ARFRP1: variants seen among roughly 807,000 people sequenced by gnomAD.
The protein encoded by ARFRP1 is ARF related protein 1.
ARFRP1 carries 19 observed loss-of-function variants against 30.3 expected under a neutral mutation model. That is an observed-to-expected ratio of 0.63 (90% CI 0.44 to 0.92). ARFRP1 has a LOEUF of 0.92. ARFRP1 is among the 40% of genes least tolerant of loss of function. The pLI is 0.00. For synonymous variants in ARFRP1, 133 were observed against 114.2 expected, an observed-to-expected ratio of 1.16 and a Z score of -1.05; for missense variants, 245 against 267.5, an observed-to-expected ratio of 0.92 and a Z score of 0.59.
chr20:63,706,032 C>T (rs771033975), intron 4 of ARFRP1: 80 of 366,748 alleles, frequency 2.2e-4, no homozygotes, highest in Non-Finnish European at 3.7e-4. Context: ...GAGGATGCCG[C>T]ACTCTGTCAA....
Position 63,700,386 on chromosome 20 carries a change from G to C in ARFRP1, c.*57C>G. On this transcript the variant is annotated 3_prime_UTR_variant, in exon 8 of 8. Transcript: ENST00000622789. ...CAGATCAGCAGCATGGGAGCCAACA[G>C]GAGGCCACTCCTCCAGCACCAGGGG... 1 of 1,597,908 alleles carries C rather than the reference G, an allele frequency of 6.3e-7. No homozygotes were observed. The highest frequency in any genetic ancestry group is 8.5e-7 in the Non-Finnish European group (1 of 1,177,788).
At position 63,700,281 on chromosome 20, in the gene ARFRP1, T is replaced by G. The variant is rs1350808145; in HGVS notation, c.*162A>C. The G allele has an allele frequency of 8.8e-7, 1 of 1,131,520 alleles. No homozygotes were observed. The highest frequency in any genetic ancestry group is 2.6e-5 in the East Asian group (1 of 38,344). 70.1% of individuals were successfully genotyped at this position (1,131,520 alleles called of 1,614,324 possible). A position where few individuals can be genotyped will look rare whatever the true frequency, so the allele number is the denominator to read the frequency against. Reference sequence around the variant, plus strand: ...CTCCAAAGCCTCCGGATGCCTACGCTTTTCCAGACATAGAGGAAAGTTTGT... The same window carrying G: ...CTCCAAAGCCTCCGGATGCCTACGCGTTTCCAGACATAGAGGAAAGTTTGT... On this transcript the variant is annotated 3_prime_UTR_variant, in exon 8 of 8. Coordinates refer to ENST00000622789, the MANE Select transcript of ARFRP1 (RefSeq NM_001267547.3).
Position 63,700,427 on chromosome 20 carries a change from G to C in ARFRP1, c.*16C>G. ...GCACCAGGGGACCAGCCGTCCCGAC[G>C]GCAGCGCGGCTGCGCCTACGTGATG... On this transcript the variant is annotated 3_prime_UTR_variant, in exon 8 of 8. Coordinates refer to ENST00000622789, the MANE Select transcript of ARFRP1 (RefSeq NM_001267547.3). The C allele has an allele frequency of 1.2e-6, 2 of 1,606,196 alleles. No individual in the cohort carries two copies. The highest frequency in any genetic ancestry group is 1.7e-6 in the Non-Finnish European group (2 of 1,179,626).
intron 6 of ARFRP1, chr20:63,701,287 C>CT (rs386394225): frequency 2.6e-6 from 1 of 386,434 alleles, no homozygotes; most frequent in Admixed American, 2.7e-5. Flanking sequence ...TGAAGATTCA[C>CT]CTGGCCCTCT....
Position 63,698,818 on chromosome 20 carries a change from G to A in ARFRP1, c.*1625C>T. 2.6e-6 allele frequency: 1 copy of A among 384,884 alleles called. No individual in the cohort carries two copies. Among genetic ancestry groups the A allele is most frequent in the Non-Finnish European group, 4.5e-6 (1 of 220,022 alleles). 23.8% of individuals were successfully genotyped at this position (384,884 alleles called of 1,614,324 possible). A position where few individuals can be genotyped will look rare whatever the true frequency, so the allele number is the denominator to read the frequency against. ...CCCTACCTCAGACAGACCCTCCCTG[G>A]GAGGATCAGTGGGGAGTGCCACCTC... On this transcript the variant is annotated 3_prime_UTR_variant, in exon 8 of 8. Coordinates refer to ENST00000622789, the MANE Select transcript of ARFRP1 (RefSeq NM_001267547.3).
rs974268945 is a variant in ARFRP1 at position 63,700,002 on chromosome 20, G to A, written c.*441C>T. The A allele has an allele frequency of 4.1e-6, 1 of 243,556 alleles. No individual in the cohort carries two copies. The highest frequency in any genetic ancestry group is 8.2e-6 in the Non-Finnish European group (1 of 121,614). 15.1% of individuals were successfully genotyped at this position (243,556 alleles called of 1,614,324 possible). Reference sequence around the variant, plus strand: ...CCACTTCCGGGGTCACGGGGTCACGGGGTCACAGGGCAGAAGCCAGATGGC... The same window carrying A: ...CCACTTCCGGGGTCACGGGGTCACGAGGTCACAGGGCAGAAGCCAGATGGC... On this transcript the variant is annotated 3_prime_UTR_variant, in exon 8 of 8. Coordinates refer to ENST00000622789, the MANE Select transcript of ARFRP1 (RefSeq NM_001267547.3).
At position 63,700,046 on chromosome 20, in the gene ARFRP1, T is replaced by G. The variant is rs1043561940; in HGVS notation, c.*397A>C. On this transcript the variant is annotated 3_prime_UTR_variant, in exon 8 of 8. Transcript: ENST00000622789. ...AGATGGCAGCCATGGCTGACGGGCC[T>G]CCTCCTCGATGGGGCGGAGACAGCC... 8 of 258,956 alleles carry G rather than the reference T, an allele frequency of 3.1e-5. No individual in the cohort carries two copies. Among genetic ancestry groups the G allele is most frequent in the East Asian group, 2.0e-4 (2 of 10,016 alleles). 16.0% of individuals were successfully genotyped at this position (258,956 alleles called of 1,614,324 possible).
At chr20:63,700,792 C>CTG in intron 6 of ARFRP1, 90 bp from the exon 7 acceptor site, 1 of 1,510,386 alleles carries the variant, frequency 6.6e-7, no homozygotes, top group Non-Finnish European at 8.9e-7. Context: ...GTATGCCCTT[C>CTG]ACCCCAGGGA....
At chr20:63,701,932 C>T (rs1041626978) in intron 5 of ARFRP1, 32 bp from the exon 6 acceptor site, 10 of 1,546,504 alleles carry the variant, frequency 6.5e-6, no homozygotes, top group Non-Finnish European at 7.9e-6. Flanking sequence ...GCGCCTCACA[C>T]CCAGCATCCT....
At chr20:63,706,805 C>T (rs936090251) in intron 2 of ARFRP1, 67 bp from the exon 3 acceptor site, 7 of 1,391,164 alleles carry the variant, frequency 5.0e-6, no homozygotes, top group African/African-American at 1.4e-5. Flanking sequence ...TATCCTTACT[C>T]AGGTCTGTTC....
At chr20:63,704,995 C>T in intron 4 of ARFRP1, 1 of 152,886 alleles carries the variant, frequency 6.5e-6, no homozygotes, top group Non-Finnish European at 1.5e-5. Context: ...ATCCTGCTGC[C>T]TGAGTCGACC....
At chr20:63,705,967 TC>T (rs1458158945) in intron 4 of ARFRP1, 28 of 339,988 alleles carry the variant, frequency 8.2e-5, no homozygotes, top group South Asian at 1.4e-4. Flanking sequence ...TGAACCCAGA[TC>T]CCCCCCGGCT....
intron 6 of ARFRP1, chr20:63,701,571 G>A: frequency 1.7e-6 from 1 of 588,742 alleles, no homozygotes; most frequent in Non-Finnish European, 3.0e-6. Context: ...CCGCCCTCCT[G>A]GGGAGAGGTG....
At chr20:63,707,164 G>C (rs1281840220) in intron 1 of ARFRP1, 67 bp from the exon 2 acceptor site, 1 of 1,408,398 alleles carries the variant, frequency 7.1e-7, no homozygotes, top group East Asian at 2.5e-5. Flanking sequence ...CTTCTCCACG[G>C]TGGTCAGTGG....
Position 63,706,645 on chromosome 20 carries a change from C to T in ARFRP1, c.181+6G>A. On this transcript the variant is annotated splice_donor_region_variant and intron_variant, in intron 3 of 7. Coordinates refer to ENST00000622789, the MANE Select transcript of ARFRP1 (RefSeq NM_001267547.3). ...CAAACCCACAGCCTGCTATTGAGAC[C>T]CTTACTGTTTAGGCCCACGGTGGTG... is the stretch of plus-strand genomic sequence containing the variant. 1 of 1,601,794 alleles carries T rather than the reference C, an allele frequency of 6.2e-7. No individual in the cohort carries two copies. The highest frequency in any genetic ancestry group is 8.6e-7 in the Non-Finnish European group (1 of 1,168,802).
In ARFRP1 at chr20:63,700,358, C is replaced by A. The variant is rs2145518378; in HGVS notation, c.*85G>T. ...AACCCCAAAGCAAAGCAAACCCACC[C>A]CCCAGATCAGCAGCATGGGAGCCAA... is the stretch of plus-strand genomic sequence containing the variant. On this transcript the variant is annotated 3_prime_UTR_variant, in exon 8 of 8. Transcript: ENST00000622789. The A allele has an allele frequency of 6.4e-7, 1 of 1,572,648 alleles. No homozygotes were observed. The highest frequency in any genetic ancestry group is 8.6e-7 in the Non-Finnish European group (1 of 1,159,648).
At chr20:63,705,479 T>C (rs1251883083) in intron 4 of ARFRP1, 1 of 411,152 alleles carries the variant, frequency 2.4e-6, no homozygotes, top group South Asian at 1.9e-5. Context: ...GAGAAGGAGA[T>C]AAACTGCAGC....
In ARFRP1 at chr20:63,700,157, TC is replaced by T; in HGVS notation, c.*285del. On this transcript the variant is annotated 3_prime_UTR_variant, in exon 8 of 8. Coordinates refer to ENST00000622789, the MANE Select transcript of ARFRP1 (RefSeq NM_001267547.3). ...TGGAGCCCCAATTCCCAACCAGGTCTCCCTCAGACCCCCCAGAAAGGGCCTC... is the reference window on the plus strand; with the variant it reads ...TGGAGCCCCAATTCCCAACCAGGTCTCCTCAGACCCCCCAGAAAGGGCCTC... 1 of 445,524 alleles carries T rather than the reference TC, an allele frequency of 2.2e-6. No individual in the cohort carries two copies. Among genetic ancestry groups the T allele is most frequent in the East Asian group, 4.5e-5 (1 of 22,232 alleles). The allele number at this position is 445,524 out of a possible 1,614,324, so 27.6% of individuals were successfully genotyped here. A position where few individuals can be genotyped will look rare whatever the true frequency, so the allele number is the denominator to read the frequency against.
chr20:63,699,114 A>G lies in ARFRP1; in HGVS notation c.*1329T>C, dbSNP rs541890693. 1 of 152,202 alleles carries G rather than the reference A, an allele frequency of 6.6e-6. No homozygotes were observed. Among genetic ancestry groups the G allele is most frequent in the Admixed American group, 6.5e-5 (1 of 15,294 alleles). 9.4% of individuals were successfully genotyped at this position (152,202 alleles called of 1,614,324 possible). A position where few individuals can be genotyped will look rare whatever the true frequency, so the allele number is the denominator to read the frequency against. ...CTGGGGCAGGCTCTGAAGCCTCCCGATGCACCCAGAGCAACCGGGGGGCTG... is the reference window on the plus strand; with the variant it reads ...CTGGGGCAGGCTCTGAAGCCTCCCGGTGCACCCAGAGCAACCGGGGGGCTG... On this transcript the variant is annotated 3_prime_UTR_variant, in exon 8 of 8. Transcript: ENST00000622789.
Sources: gnomAD v4.1 joint callset for allele counts on GRCh38, gnomAD v4.1.1 for gene constraint, MANE v1.5 for transcripts, NCBI Gene and HGNC (gene_info 2026-07-23, HGNC 2026-07-21) for gene names.